Variants in SPAG16 observed in about 807,000 individuals in gnomAD.
SPAG16 encodes the protein sperm-associated antigen 16 protein.
SPAG16 carries 86 observed loss-of-function variants against 80.4 expected under a neutral mutation model. That is an observed-to-expected ratio of 1.07 (90% CI 0.90 to 1.28). The LOEUF is 1.28. Ranked by LOEUF, SPAG16 falls within the 50% of genes most tolerant of loss-of-function variation. The pLI is 0.00. For synonymous variants in SPAG16, 294 were observed against 265.9 expected, an observed-to-expected ratio of 1.11 and a Z score of -1.03; for missense variants, 870 against 765.3, an observed-to-expected ratio of 1.14 and a Z score of -1.61.
chr2:214,005,821 TTAAAAA>T (rs2047003548), intron 12 of SPAG16, among the ~76,000 whole-genome samples: 1 of 152,214 alleles, frequency 6.6e-6, no homozygotes, highest in Admixed American at 6.5e-5. Context: ...CTTGTGAATT[TTAAAAA>T]TAGCTTATAT....
At chr2:213,853,383 TAGAA>T (rs1440250753) in intron 10 of SPAG16, among the ~76,000 whole-genome samples, 6 of 152,150 alleles carry the variant, frequency 3.9e-5, no homozygotes, top group South Asian at 2.1e-4. Flanking sequence ...CAATTTCAAT[TAGAA>T]AGGAGAGCTT....
At chr2:213,921,036 A>G (rs1348898327) in intron 11 of SPAG16, among the ~76,000 whole-genome samples, 1 of 152,176 alleles carries the variant, frequency 6.6e-6, no homozygotes, top group East Asian at 1.9e-4. Context: ...GGTAGGAATT[A>G]GTCCCCTGCC....
chr2:213,465,686 T>TC (rs2072646519), intron 9 of SPAG16, among the ~76,000 whole-genome samples: 1 of 152,152 alleles, frequency 6.6e-6, no homozygotes, highest in South Asian at 2.1e-4. Flanking sequence ...GCTAAGTTCT[T>TC]CCCCATGATT....
intron 15 of SPAG16, among the ~76,000 whole-genome samples, chr2:214,330,638 G>A (rs911380036): frequency 1.3e-5 from 2 of 149,604 alleles, no homozygotes; most frequent in African/African-American, 5.1e-5. Context: ...CAAAGAAAGG[G>A]TTTGAAACTT....
At chr2:213,789,007 C>T (rs140997577) in intron 10 of SPAG16, among the ~76,000 whole-genome samples, 1,941 of 151,924 alleles carry the variant, frequency 0.013, 33 homozygotes, top group African/African-American at 0.044. Context: ...GGAGTCTGAA[C>T]GTTTTTCCTG....
At chr2:213,468,504 GATAT>G (rs1198735373) in intron 9 of SPAG16, among the ~76,000 whole-genome samples, 1 of 58,576 alleles carries the variant, frequency 1.7e-5, no homozygotes, top group Non-Finnish European at 4.2e-5. Context: ...TTTATATATA[GATAT>G]ATATATATCT....
intron 10 of SPAG16, among the ~76,000 whole-genome samples, chr2:213,611,189 A>G (rs1430795856): frequency 6.6e-6 from 1 of 152,092 alleles, no homozygotes; most frequent in Non-Finnish European, 1.5e-5. Context: ...CCACCTTAAT[A>G]AATTTGTGTG....
At position 214,177,916 on chromosome 2, in the gene SPAG16, C is replaced by CATATATATATATATATATATACATAT. The variant is rs10622953; in HGVS notation, c.1720+28668_1720+28669insATACATATATATATATATATATATAT. 2.9e-3 allele frequency among the ~76,000 whole-genome samples: 270 copies of CATATATATATATATATATATACATAT among 92,180 alleles called. 2 individuals are homozygous for CATATATATATATATATATATACATAT. The highest frequency in any genetic ancestry group is 4.4e-3 in the South Asian group (13 of 2,942). 60.5% of individuals were successfully genotyped at this position (92,180 alleles called of 152,430 possible). On this transcript the variant is annotated intron_variant, in intron 15 of 15. Coordinates refer to ENST00000331683, the MANE Select transcript of SPAG16 (RefSeq NM_024532.5). ...ATATATATACATATATATATATATA[C>CATATATATATATATATATATACATAT]ATATATATATATATATATGGCCAGA...
At chr2:213,837,999 A>G (rs1370047982) in intron 10 of SPAG16, among the ~76,000 whole-genome samples, 1 of 152,152 alleles carries the variant, frequency 6.6e-6, no homozygotes, top group African/African-American at 2.4e-5. Context: ...TCCTGTCTCC[A>G]ACGTCATATT....
At chr2:214,018,187 C>T (rs921185364) in intron 13 of SPAG16, among the ~76,000 whole-genome samples, 1 of 151,870 alleles carries the variant, frequency 6.6e-6, no homozygotes, top group Admixed American at 6.6e-5. Context: ...AAAAATTAAA[C>T]AGAATCATTC....
intron 15 of SPAG16, among the ~76,000 whole-genome samples, chr2:214,187,833 T>C (rs1440537103): frequency 6.6e-6 from 1 of 151,620 alleles, no homozygotes; most frequent in Admixed American, 6.6e-5. Flanking sequence ...GAAAAAAAAA[T>C]GTAAACAAAA....
intron 10 of SPAG16, among the ~76,000 whole-genome samples, chr2:213,520,761 C>T (rs1375992554): frequency 6.6e-6 from 1 of 152,192 alleles, no homozygotes. Flanking sequence ...TTTTATTGTT[C>T]ACTTAAGTAA....
At chr2:213,711,286 A>G (rs937859157) in intron 10 of SPAG16, among the ~76,000 whole-genome samples, 3 of 152,090 alleles carry the variant, frequency 2.0e-5, no homozygotes, top group Non-Finnish European at 2.9e-5. Context: ...TGGTGAATAC[A>G]TGTTGATGTG....
chr2:214,059,222 G>GTATATATATATATATATATATATA (rs34244219), intron 13 of SPAG16, among the ~76,000 whole-genome samples: 12 of 121,456 alleles, frequency 9.9e-5, no homozygotes, highest in African/African-American at 4.1e-4. Flanking sequence ...ATATGTATGT[G>GTATATATATATATATATATATATA]TATATATATA....
At chr2:213,526,048 C>G (rs562458110) in intron 10 of SPAG16, among the ~76,000 whole-genome samples, 1 of 152,232 alleles carries the variant, frequency 6.6e-6, no homozygotes, top group East Asian at 1.9e-4. Context: ...TCTAAATAGC[C>G]TCCTTTTAAA....
chr2:213,756,650 T>C (rs1055574278), intron 10 of SPAG16, among the ~76,000 whole-genome samples: 1 of 152,226 alleles, frequency 6.6e-6, no homozygotes, highest in Non-Finnish European at 1.5e-5. Context: ...CATGTTAATA[T>C]GGGATCTCTG....
chr2:213,879,627 C>A (rs2076271590), intron 11 of SPAG16, among the ~76,000 whole-genome samples: 1 of 151,706 alleles, frequency 6.6e-6, no homozygotes, highest in Non-Finnish European at 1.5e-5. Context: ...AAACCATGAC[C>A]TTCTCCCTCC....
intron 10 of SPAG16, among the ~76,000 whole-genome samples, chr2:213,491,567 G>C (rs140118515): frequency 7.7e-4 from 118 of 152,310 alleles, no homozygotes; most frequent in African/African-American, 2.7e-3. Context: ...TGATGGGAGT[G>C]GCCAATGCTG....
At chr2:213,400,808 G>GT (rs971316562) in intron 9 of SPAG16, among the ~76,000 whole-genome samples, 1 of 151,490 alleles carries the variant, frequency 6.6e-6, no homozygotes, top group African/African-American at 2.4e-5. Context: ...TTTAGTCTTT[G>GT]TTTTTTTCTT....
Sources: allele counts gnomAD v4.1 joint callset (sites outside exome capture counted in the v4.1 genomes callset), GRCh38; gene constraint gnomAD v4.1.1; transcripts MANE v1.5; gene names NCBI Gene and HGNC (gene_info 2026-07-23, HGNC 2026-07-21).